The following DIAPH2 variants were observed in gnomAD, a reference collection of about 807,000 sequenced individuals.
DIAPH2 encodes protein diaphanous homolog 2.
A neutral mutation model predicts 92.7 loss-of-function variants in DIAPH2; 35 were observed. The observed-to-expected ratio is 0.38, with a 90% CI of 0.29 to 0.50. The LOEUF is 0.50. Ranked by LOEUF, DIAPH2 falls within the 20% of genes least tolerant of loss-of-function variation. The pLI is 0.94. For missense variants in DIAPH2, 701 were observed against 819.5 expected (o/e 0.86, Z 1.77); for synonymous variants, 301 against 280.4 (o/e 1.07, Z -0.73).
chrX:97,449,796 C>T (rs1384454945), intron 26 of DIAPH2: 1 of 218,745 alleles, frequency 4.6e-6, no homozygotes, highest in Non-Finnish European at 6.7e-6. Context: ...CCCATTGTGC[C>T]GTGGGTTAGC....
intron 22 of DIAPH2, among the ~76,000 whole-genome samples, chrX:97,177,703 C>A (rs2067503384): frequency 1.9e-5 from 1 of 52,906 alleles, no homozygotes; most frequent in Non-Finnish European, 3.6e-5. Context: ...CTCTGAAAAG[C>A]CTACTTAAAA....
Position 96,835,128 on chromosome X carries a change from T to C in DIAPH2, c.448-46451T>C, listed in dbSNP as rs768308133. Among the ~76,000 whole-genome samples the C allele has an allele frequency of 2.7e-5, 3 of 111,808 alleles. No homozygotes were observed. In the Admixed American group the frequency reaches 2.8e-4, roughly 11 times the overall value. On this transcript the variant is annotated intron_variant, in intron 4 of 26. Transcript: ENST00000324765. ...TTAATTGGATAGTCAAATTGGACTTTAAAGGATCTTCCTGGGAGAAGACCA... is the reference window on the plus strand; with the variant it reads ...TTAATTGGATAGTCAAATTGGACTTCAAAGGATCTTCCTGGGAGAAGACCA...
chrX:97,083,217 A>G (rs1169265916), intron 19 of DIAPH2, among the ~76,000 whole-genome samples: 1 of 112,120 alleles, frequency 8.9e-6, no homozygotes, highest in Non-Finnish European at 1.9e-5. Context: ...TTAACATGCT[A>G]TGGCACACTT....
At chrX:96,783,860 C>G (rs770940039) in intron 4 of DIAPH2, among the ~76,000 whole-genome samples, 1 of 112,363 alleles carries the variant, frequency 8.9e-6, no homozygotes, top group South Asian at 3.7e-4. Flanking sequence ...GTAACACACA[C>G]TGTTCGGTCA....
intron 16 of DIAPH2, among the ~76,000 whole-genome samples, chrX:96,960,957 A>T (rs1164979062): frequency 8.9e-6 from 1 of 111,841 alleles, no homozygotes; most frequent in African/African-American, 3.2e-5. Context: ...CCCATTGATT[A>T]TGATGTATTA....
chrX:97,051,254 G>A (rs776372609), intron 17 of DIAPH2, among the ~76,000 whole-genome samples: 1 of 110,951 alleles, frequency 9.0e-6, no homozygotes, highest in South Asian at 3.8e-4. Flanking sequence ...ATTCAGCAGA[G>A]ACATTCATTT....
chrX:97,251,180 G>A (rs1234399568), intron 23 of DIAPH2, among the ~76,000 whole-genome samples: 1 of 111,729 alleles, frequency 9.0e-6, no homozygotes, highest in Non-Finnish European at 1.9e-5. Flanking sequence ...ATTAACAAGA[G>A]CAAAGCATAC....
intron 4 of DIAPH2, among the ~76,000 whole-genome samples, chrX:96,792,375 A>G (rs1405667333): frequency 9.0e-6 from 1 of 111,494 alleles, no homozygotes; most frequent in East Asian, 2.8e-4. Flanking sequence ...TCCTAGTGCT[A>G]CCAAAGCTGG....
chrX:97,499,618 AATC>A (rs1235776232), intron 26 of DIAPH2, among the ~76,000 whole-genome samples: 1 of 111,763 alleles, frequency 8.9e-6, no homozygotes, highest in Non-Finnish European at 1.9e-5. Flanking sequence ...AAGGGAAAGA[AATC>A]ATTCTATGAA....
At chrX:96,981,433 T>C (rs940847364) in intron 17 of DIAPH2, among the ~76,000 whole-genome samples, 7 of 112,005 alleles carry the variant, frequency 6.2e-5, no homozygotes, top group Middle Eastern at 4.6e-3. Context: ...TAATAATCAA[T>C]AGAATAACTA....
At chrX:97,170,257 GGATT>G (rs1270147620) in intron 22 of DIAPH2, among the ~76,000 whole-genome samples, 15 of 108,585 alleles carry the variant, frequency 1.4e-4, no homozygotes, top group African/African-American at 4.9e-4. Flanking sequence ...GATTACCAAA[GGATT>G]GATTATAGAT....
intron 26 of DIAPH2, among the ~76,000 whole-genome samples, chrX:97,449,203 A>ATG (rs2070338260): frequency 8.9e-6 from 1 of 112,088 alleles, no homozygotes; most frequent in African/African-American, 3.2e-5. Flanking sequence ...ATAGGGAGAG[A>ATG]TAAAGAAGGG....
intron 4 of DIAPH2, among the ~76,000 whole-genome samples, chrX:96,806,649 A>AAAAC: frequency 9.6e-6 from 1 of 103,652 alleles, no homozygotes; most frequent in Non-Finnish European, 2.0e-5. Context: ...TCCATCTCAA[A>AAAAC]AAAAAAAAAA....
intron 26 of DIAPH2, chrX:97,469,911 A>G: frequency 1.2e-6 from 1 of 842,210 alleles, no homozygotes; most frequent in Non-Finnish European, 1.6e-6. Flanking sequence ...GCCCCTTAAT[A>G]CCGATTTCAT....
At chrX:96,930,406 A>T (rs2065611861) in intron 9 of DIAPH2, among the ~76,000 whole-genome samples, 1 of 110,989 alleles carries the variant, frequency 9.0e-6, no homozygotes, top group Admixed American at 9.6e-5. Context: ...GACATGAAAG[A>T]TACATTTTGT....
At chrX:97,285,576 T>G (rs910125534) in intron 23 of DIAPH2, among the ~76,000 whole-genome samples, 5 of 110,352 alleles carry the variant, frequency 4.5e-5, no homozygotes, top group Non-Finnish European at 5.7e-5. Flanking sequence ...TAGACTAGGA[T>G]CAATACACAA....
chrX:97,561,211 ATGTAT>A (rs1162659136), intron 26 of DIAPH2, among the ~76,000 whole-genome samples: 2 of 112,446 alleles, frequency 1.8e-5, no homozygotes, highest in Non-Finnish European at 3.7e-5. Context: ...GTCTTGATAC[ATGTAT>A]TTGTTTTGCT....
At chrX:96,980,931 T>C (rs147596901) in intron 17 of DIAPH2, among the ~76,000 whole-genome samples, 3,171 of 93,517 alleles carry the variant, frequency 0.034, 142 homozygotes, top group African/African-American at 0.12. Context: ...GAGGCCAGGG[T>C]GGGTGGATCG....
chrX:97,571,490 G>A (rs2071369702), intron 26 of DIAPH2, among the ~76,000 whole-genome samples: 1 of 111,466 alleles, frequency 9.0e-6, no homozygotes, highest in Non-Finnish European at 1.9e-5. Context: ...CAATATAAGG[G>A]GAAAAGTTGT....
Sources: allele counts gnomAD v4.1 joint callset (sites outside exome capture counted in the v4.1 genomes callset), GRCh38; gene constraint gnomAD v4.1.1; transcripts MANE v1.5; gene names NCBI Gene and HGNC (gene_info 2026-07-23, HGNC 2026-07-21).